The following DISP2 variants were observed in gnomAD, a reference collection of about 807,000 sequenced individuals.
The protein encoded by DISP2 is protein dispatched homolog 2.
A neutral mutation model predicts 95.5 loss-of-function variants in DISP2; 59 were observed. The ratio of observed to expected loss-of-function variants is 0.62; its 90% CI spans 0.50 to 0.77. DISP2 has a LOEUF of 0.77. Ranked by LOEUF, DISP2 falls within the 30% of genes least tolerant of loss-of-function variation. The pLI is 0.00. For missense variants in DISP2, 1,752 were observed against 1,854.6 expected (o/e 0.94, Z 1.02); for synonymous variants, 827 against 815.0 (o/e 1.01, Z -0.25).
rs1045289036 is a variant in DISP2, at chr15:40,365,250, G to A, written c.823G>A (p.Glu275Lys). Residue 275 changes from glutamate (E) to lysine (K), a missense_variant, in exon 6 of 8, where the codon GAG (glutamate) becomes AAG (lysine). Glu to Lys is a moderately conservative substitution (Grantham distance 56). Transcript: ENST00000267889. ...MVEPLEDRRQ[E>K]NFFCGPPEKS... is the part of the protein sequence containing the mutation. The stretch of plus-strand genomic sequence containing the variant: ...GGAGCCCCTGGAGGACAGAAGGCAA[G>A]AGAACTTCTTCTGTGGCCCCCCTGG... 3.7e-6 allele frequency: 6 copies of A among 1,613,870 alleles called. No individual in the cohort carries two copies. Among genetic ancestry groups the A allele is most frequent in the Non-Finnish European group, 4.2e-6 (5 of 1,180,034 alleles).
rs376477754 is a variant in DISP2 at position 40,372,201 on chromosome 15, C to G, written c.*1883C>G. 2 of 152,110 alleles carry G rather than the reference C, an allele frequency of 1.3e-5. No homozygotes were observed. The highest frequency in any genetic ancestry group is 2.9e-5 in the Non-Finnish European group (2 of 68,038). The allele number at this position is 152,110 out of a possible 1,614,324, so 9.4% of individuals were successfully genotyped here. On this transcript the variant is annotated 3_prime_UTR_variant, in exon 8 of 8. Coordinates refer to ENST00000267889, the MANE Select transcript of DISP2 (RefSeq NM_033510.3). ...GCCTGTCTTTCCACTGCAGCCTCTC[C>G]GGGTATCTGGGGAACCCCTCCGGCT...
chr15:40,370,144 G>A lies in DISP2; in HGVS notation c.4032G>A (p.Leu1344=). The A allele has an allele frequency of 6.2e-7, 1 of 1,609,916 alleles. No homozygotes were observed. The highest frequency in any genetic ancestry group is 8.5e-7 in the Non-Finnish European group (1 of 1,177,774). The change falls in exon 8 of 8, where the codon CTG becomes CTA. Residue 1344 remains leucine, a synonymous_variant. Transcript: ENST00000267889. The part of the protein sequence containing the change: ...NGKRDTLWLA[L]RETVYDPSLP... ...AGCGGGACACCCTGTGGCTGGCGCT[G>A]AGGGAGACAGTGTATGACCCATCAT...
rs1285070906 is a variant in DISP2, at chr15:40,370,959, C to G, written c.*641C>G. ...CAGCAGGAGAAGGAGGATGGTCAGC[C>G]TTGGAGCATCTCTCAATTACGGGAC... is the stretch of plus-strand genomic sequence containing the variant. On this transcript the variant is annotated 3_prime_UTR_variant, in exon 8 of 8. Transcript: ENST00000267889. 1 of 247,308 alleles carries G rather than the reference C, an allele frequency of 4.0e-6. No homozygotes were observed. Among genetic ancestry groups the G allele is most frequent in the African/African-American group, 2.2e-5 (1 of 45,350 alleles). The allele number at this position is 247,308 out of a possible 1,614,324, so 15.3% of individuals were successfully genotyped here.
rs749138299 is a variant in DISP2 at position 40,358,254 on chromosome 15, ACCGCCGCCGCCGCCGCCG to A, written c.-60_-43del. Reference sequence around the variant, plus strand: ...GCACCCCGCCGCCGCTGCCGCCGCCACCGCCGCCGCCGCCGCCGCCGCCGCGGCTTCAGCACCAGCGCC... The same window carrying A: ...GCACCCCGCCGCCGCTGCCGCCGCCACCGCCGCGGCTTCAGCACCAGCGCC... On this transcript the variant is annotated 5_prime_UTR_variant, in exon 1 of 8. Transcript: ENST00000267889. 9.7e-7 allele frequency: 1 copy of A among 1,031,872 alleles called. No individual in the cohort carries two copies. The allele number at this position is 1,031,872 out of a possible 1,614,324, so 63.9% of individuals were successfully genotyped here. A position where few individuals can be genotyped will look rare whatever the true frequency, so the allele number is the denominator to read the frequency against.
In DISP2 at chr15:40,373,310, A is replaced by C. The variant is rs1889676146; in HGVS notation, c.*2992A>C. The C allele has an allele frequency of 6.6e-6, 1 of 152,236 alleles. No homozygotes were observed. The highest frequency in any genetic ancestry group is 6.5e-5 in the Admixed American group (1 of 15,288). The allele number at this position is 152,236 out of a possible 1,614,324, so 9.4% of individuals were successfully genotyped here. On this transcript the variant is annotated 3_prime_UTR_variant, in exon 8 of 8. Transcript: ENST00000267889. ...CTCCCCACTCAGACACTCTAATAGA[A>C]CTACATTAACATTTGGAACTTGAGG...
At position 40,358,436 on chromosome 15, in the gene DISP2, G is replaced by A; in HGVS notation, c.115G>A (p.Asp39Asn). 1 of 1,316,824 alleles carries A rather than the reference G, an allele frequency of 7.6e-7. No homozygotes were observed. Among genetic ancestry groups the A allele is most frequent in the Non-Finnish European group, 9.7e-7 (1 of 1,032,794 alleles). The allele number at this position is 1,316,824 out of a possible 1,614,324, so 81.6% of individuals were successfully genotyped here. ...CTTGGCCCCAGACGGCGGCTCCCCGGACAGGTAGGGCGGACAGCTCCGCAG... is the reference window on the plus strand; with the variant it reads ...CTTGGCCCCAGACGGCGGCTCCCCGAACAGGTAGGGCGGACAGCTCCGCAG... ...EPLAPDGGSP[D>N]STQTKAVPPE... Residue 39 changes from aspartate to asparagine, a missense_variant, in exon 1 of 8, where the codon GAC (aspartate) becomes AAC (asparagine). Physicochemically the swap from Asp to Asn is conservative, Grantham distance 23. This residue lies in a region of DISP2 where 342 missense variants were observed against 364.3 expected (regional missense o/e 0.94). Transcript: ENST00000267889.
Position 40,358,452 on chromosome 15 carries a change from A to T in DISP2, c.119+12A>T, listed in dbSNP as rs1178345366. 1 of 1,296,836 alleles carries T rather than the reference A, an allele frequency of 7.7e-7. No homozygotes were observed. The highest frequency in any genetic ancestry group is 9.8e-7 in the Non-Finnish European group (1 of 1,021,136). 80.3% of individuals were successfully genotyped at this position (1,296,836 alleles called of 1,614,324 possible). A position where few individuals can be genotyped will look rare whatever the true frequency, so the allele number is the denominator to read the frequency against. The stretch of plus-strand genomic sequence containing the variant: ...GGCTCCCCGGACAGGTAGGGCGGAC[A>T]GCTCCGCAGATCCGTATCACAGACC... On this transcript the variant is annotated intron_variant, in intron 1 of 7. Coordinates refer to ENST00000267889, the MANE Select transcript of DISP2 (RefSeq NM_033510.3).
rs1017573111 is a variant in DISP2 at position 40,370,847 on chromosome 15, C to T, written c.*529C>T. On this transcript the variant is annotated 3_prime_UTR_variant, in exon 8 of 8. Transcript: ENST00000267889. ...TCTCTGGGCAGAATTGGGCTGGGAC[C>T]TCTCTCCCCAACTGCCCTGCTCTCC... The T allele has an allele frequency of 5.1e-5, 17 of 335,118 alleles. No homozygotes were observed. The Admixed American group carries it at 6.0e-4, about 12-fold the overall frequency. The allele number at this position is 335,118 out of a possible 1,614,324, so 20.8% of individuals were successfully genotyped here.
Position 40,367,499 on chromosome 15 carries a change from G to A in DISP2, c.1387G>A (p.Ala463Thr), listed in dbSNP as rs1889519260. The A allele has an allele frequency of 6.8e-6, 11 of 1,613,538 alleles. No homozygotes were observed. The highest frequency in any genetic ancestry group is 9.3e-6 in the Non-Finnish European group (11 of 1,180,000). Residue 463 changes from alanine (A) to threonine (T), a missense_variant, in exon 8 of 8, where the codon GCT (alanine) becomes ACT (threonine). By Grantham distance (58) the Ala-to-Thr change is moderately conservative. Transcript: ENST00000267889. ...CCGGCTGGCCACCCCCTGGGGGCTTGCTGACAACTACACCTCTGTCACTGG... is the reference window on the plus strand; with the variant it reads ...CCGGCTGGCCACCCCCTGGGGGCTTACTGACAACTACACCTCTGTCACTGG... ...LDRLATPWGL[A>T]DNYTSVTGMD...
intron 6 of DISP2, 71 bp downstream of exon 6, chr15:40,365,345 C>A (rs892878973): frequency 1.0e-5 from 16 of 1,566,928 alleles, no homozygotes; most frequent in Middle Eastern, 1.7e-4. Flanking sequence ...CAGGCAGGCC[C>A]AGAACAAATC....
rs757107738 is a variant in DISP2, at chr15:40,370,113, A to G, written c.4001A>G (p.Asn1334Ser). The change falls in exon 8 of 8, where the codon AAT becomes AGT. Residue 1334 changes from asparagine to serine, a missense_variant. Around this residue, in one of 5 missense-constraint regions of DISP2, gnomAD observed 347 missense variants for 344.2 expected, o/e 1.01. Transcript: ENST00000267889. ...CCAGTCCTTGAGCGAGGCCAGCTCAATGGGAAGCGGGACACCCTGTGGCTG... is the reference window on the plus strand; with the variant it reads ...CCAGTCCTTGAGCGAGGCCAGCTCAGTGGGAAGCGGGACACCCTGTGGCTG... ...GQPVLERGQLNGKRDTLWLAL... is the reference protein window; with the variant it reads ...GQPVLERGQLSGKRDTLWLAL... 6.8e-6 allele frequency: 11 copies of G among 1,608,376 alleles called. No individual in the cohort carries two copies. Among genetic ancestry groups the G allele is most frequent in the East Asian group, 4.5e-5 (2 of 44,830 alleles).
In DISP2 at chr15:40,377,925, A is replaced by G. The variant is rs1176110294; in HGVS notation, c.*7607A>G. On this transcript the variant is annotated 3_prime_UTR_variant, in exon 8 of 8. Coordinates refer to ENST00000267889, the MANE Select transcript of DISP2 (RefSeq NM_033510.3). ...GGGCCTTGCCTCGTAGTGGGGATTCATTAGCCCTAGTTTAAACATTGCTGG... is the reference window on the plus strand; with the variant it reads ...GGGCCTTGCCTCGTAGTGGGGATTCGTTAGCCCTAGTTTAAACATTGCTGG... 1 of 152,300 alleles carries G rather than the reference A, an allele frequency of 6.6e-6. No homozygotes were observed. Among genetic ancestry groups the G allele is most frequent in the Non-Finnish European group, 1.5e-5 (1 of 68,042 alleles). 9.4% of individuals were successfully genotyped at this position (152,300 alleles called of 1,614,324 possible).
At position 40,377,346 on chromosome 15, in the gene DISP2, A is replaced by AT. The variant is rs1889744795; in HGVS notation, c.*7028_*7029insT. The AT allele has an allele frequency of 6.6e-6, 1 of 152,102 alleles. No individual in the cohort carries two copies. Among genetic ancestry groups the AT allele is most frequent in the Non-Finnish European group, 1.5e-5 (1 of 68,046 alleles). The allele number at this position is 152,102 out of a possible 1,614,324, so 9.4% of individuals were successfully genotyped here. Reference sequence around the variant, plus strand: ...AAAAAAAAAATTTTTGACTGAAAGTACAGATACAACTTCCCTTTCCAGCCA... The same window carrying AT: ...AAAAAAAAAATTTTTGACTGAAAGTATCAGATACAACTTCCCTTTCCAGCCA... On this transcript the variant is annotated 3_prime_UTR_variant, in exon 8 of 8. Coordinates refer to ENST00000267889, the MANE Select transcript of DISP2 (RefSeq NM_033510.3).
At position 40,364,504 on chromosome 15, in the gene DISP2, T is replaced by A. The variant is rs755293586; in HGVS notation, c.563T>A (p.Leu188Gln). 1.9e-6 allele frequency: 3 copies of A among 1,614,020 alleles called. No individual in the cohort carries two copies. The East Asian group carries it at 6.7e-5, about 36-fold the overall frequency. Residue 188 changes from leucine to glutamine, a missense_variant, in exon 4 of 8, where the codon CTG (leucine) becomes CAG (glutamine). Leu to Gln is a moderately radical substitution (Grantham distance 113). Transcript: ENST00000267889. ...ATCTTCCTCTGCACCCTGGCTGGACTGTTGGGGGCCCGGCTGCCCGACTTC... is the reference window on the plus strand; with the variant it reads ...ATCTTCCTCTGCACCCTGGCTGGACAGTTGGGGGCCCGGCTGCCCGACTTC... Reference protein sequence around the residue: ...AVIFLCTLAGLLGARLPDFSK... With the variant: ...AVIFLCTLAGQLGARLPDFSK...
In DISP2 at chr15:40,374,197, C is replaced by T. The variant is rs548752601; in HGVS notation, c.*3879C>T. 6.7e-6 allele frequency: 1 copy of T among 148,944 alleles called. No homozygotes were observed. Among genetic ancestry groups the T allele is most frequent in the Non-Finnish European group, 1.5e-5 (1 of 67,562 alleles). The allele number at this position is 148,944 out of a possible 1,614,324, so 9.2% of individuals were successfully genotyped here. A position where few individuals can be genotyped will look rare whatever the true frequency, so the allele number is the denominator to read the frequency against. On this transcript the variant is annotated 3_prime_UTR_variant, in exon 8 of 8. Transcript: ENST00000267889. ...ATACCATGATATGCGGGCAATATTC[C>T]AGCTTGAGACAATTTTTTTTTTTTT...
In DISP2 at chr15:40,369,917, C is replaced by T. The variant is rs552621658; in HGVS notation, c.3805C>T (p.His1269Tyr). 1.3e-6 allele frequency: 2 copies of T among 1,580,268 alleles called. No homozygotes were observed. Among genetic ancestry groups the T allele is most frequent in the South Asian group, 1.1e-5 (1 of 87,160 alleles). Reference protein sequence around the residue: ...PLPASPEAPAHSPKAKAADPP... With the variant: ...PLPASPEAPAYSPKAKAADPP... ...GCCAGCCTCACCAGAAGCCCCAGCC[C>T]ACTCTCCTAAGGCCAAGGCTGCAGA... The change falls in exon 8 of 8, where the codon CAC becomes TAC. Residue 1269 changes from histidine (H) to tyrosine (Y), a missense_variant. Coordinates refer to ENST00000267889, the MANE Select transcript of DISP2 (RefSeq NM_033510.3).
chr15:40,359,897 C>A (rs1424542299), intron 1 of DISP2, among the ~76,000 whole-genome samples: 1 of 150,738 alleles, frequency 6.6e-6, no homozygotes, highest in East Asian at 1.9e-4. Context: ...TGAAATAGTT[C>A]ACACTTTGTG....
Position 40,358,420 on chromosome 15 carries a change from A to G in DISP2, c.99A>G (p.Pro33=). 7.5e-7 allele frequency: 1 copy of G among 1,331,186 alleles called. No individual in the cohort carries two copies. The highest frequency in any genetic ancestry group is 1.9e-5 in the South Asian group (1 of 52,878). 82.5% of individuals were successfully genotyped at this position (1,331,186 alleles called of 1,614,324 possible). A position where few individuals can be genotyped will look rare whatever the true frequency, so the allele number is the denominator to read the frequency against. The part of the protein sequence containing the change: ...EQRPEGEPLA[P]DGGSPDSTQT... Reference sequence around the variant, plus strand: ...GGCCCGAGGGGGAGCCCTTGGCCCCAGACGGCGGCTCCCCGGACAGGTAGG... The same window carrying G: ...GGCCCGAGGGGGAGCCCTTGGCCCCGGACGGCGGCTCCCCGGACAGGTAGG... The change falls in exon 1 of 8, where the codon CCA becomes CCG. Residue 33 remains proline (P), a synonymous_variant. Transcript: ENST00000267889.
intron 2 of DISP2, 80 bp from the exon 3 acceptor site, chr15:40,364,146 T>G: frequency 6.3e-7 from 1 of 1,598,278 alleles, no homozygotes; most frequent in East Asian, 2.2e-5. Flanking sequence ...ACCTACCCAC[T>G]CCCACCCCAC....
Sources: allele counts gnomAD v4.1 joint callset (sites outside exome capture counted in the v4.1 genomes callset), GRCh38; gene constraint gnomAD v4.1.1; regional missense constraint gnomAD v4.1.1; transcripts MANE v1.5; gene names NCBI Gene and HGNC (gene_info 2026-07-23, HGNC 2026-07-21).